The following NUDT5 variants were observed in gnomAD, a reference collection of about 807,000 sequenced individuals.
NUDT5 encodes the protein ADP-sugar pyrophosphatase.
In NUDT5, 21 loss-of-function variants were observed where a neutral mutation model predicts 34.1. The ratio of observed to expected loss-of-function variants is 0.62; its 90% CI spans 0.44 to 0.89. NUDT5 has a LOEUF of 0.89. Among genes scored for constraint, NUDT5 ranks in the 40% least tolerant of loss-of-function variants. NUDT5 has a pLI of 0.00. For synonymous variants in NUDT5, 85 were observed against 97.6 expected (o/e 0.87, Z 0.76); for missense variants, 249 against 274.8 (o/e 0.91, Z 0.66).
At chr10:12,178,586 G>A (rs1378583984) in intron 4 of NUDT5, among the ~76,000 whole-genome samples, 3 of 152,190 alleles carry the variant, frequency 2.0e-5, no homozygotes, top group Non-Finnish European at 4.4e-5. Flanking sequence ...CTCGACCAGA[G>A]TGATTCTCAG....
chr10:12,178,112 GT>G (rs1170063306), intron 4 of NUDT5, among the ~76,000 whole-genome samples: 2 of 148,812 alleles, frequency 1.3e-5, no homozygotes, highest in African/African-American at 2.5e-5. Flanking sequence ...CAAAAAGGCT[GT>G]TTAATTGTCA....
At chr10:12,184,402 A>G in intron 3 of NUDT5, 1 of 1,110,258 alleles carries the variant, frequency 9.0e-7, no homozygotes, top group Non-Finnish European at 1.3e-6. Context: ...GTCAAAGGGT[A>G]CAGTATCTTT....
At chr10:12,184,294 C>G (rs980380374) in intron 3 of NUDT5, among the ~76,000 whole-genome samples, 1 of 152,208 alleles carries the variant, frequency 6.6e-6, no homozygotes, top group Non-Finnish European at 1.5e-5. Context: ...CGATGCCCCC[C>G]GCCCCGGCCC....
rs1835041584 is a variant in NUDT5, at chr10:12,181,606, T to C, written c.132-2474A>G. 6.6e-6 allele frequency among the ~76,000 whole-genome samples: 1 copy of C among 152,066 alleles called. No individual in the cohort carries two copies. The highest frequency in any genetic ancestry group is 2.1e-4 in the South Asian group (1 of 4,818). On this transcript the variant is annotated intron_variant, in intron 3 of 9. Transcript: ENST00000491614. The surrounding 1 kb of genome is among the most constrained non-coding windows in gnomAD (Gnocchi z 5.0). The stretch of plus-strand genomic sequence containing the variant: ...GTAGGGTGTTGTGGGGAACTGCTGC[T>C]GGGCATCCGGTCTGCACACATGCCA...
intron 4 of NUDT5, among the ~76,000 whole-genome samples, chr10:12,178,462 C>A (rs1435603214): frequency 6.6e-6 from 1 of 152,206 alleles, no homozygotes; most frequent in Non-Finnish European, 1.5e-5. Context: ...CCTGGCTCCC[C>A]ACAGCTTCCT....
Position 12,184,981 on chromosome 10 carries a change from T to C in NUDT5, c.64-25A>G, listed in dbSNP as rs1302642200. 8.4e-6 allele frequency: 11 copies of C among 1,314,018 alleles called. No homozygotes were observed. In the Admixed American group the frequency reaches 1.5e-4, roughly 18 times the overall value. The allele number at this position is 1,314,018 out of a possible 1,614,324, so 81.4% of individuals were successfully genotyped here. A position where few individuals can be genotyped will look rare whatever the true frequency, so the allele number is the denominator to read the frequency against. On this transcript the variant is annotated intron_variant, in intron 2 of 9. Transcript: ENST00000491614. ...ACTAAAAGGATATCAGATAATAAGT[T>C]GGGAAACTTTCAAACCAAGTTGTTT...
At chr10:12,177,079 G>A (rs73581311) in intron 5 of NUDT5, among the ~76,000 whole-genome samples, 6,434 of 149,398 alleles carry the variant, frequency 0.043, 325 homozygotes, top group African/African-American at 0.12. Context: ...CCGAGATCAC[G>A]CCACCGCACT....
chr10:12,169,898 T>C lies in NUDT5; in HGVS notation c.550+819A>G, dbSNP rs1434343324. On this transcript the variant is annotated intron_variant, in intron 9 of 9. Transcript: ENST00000491614. This position sits in a 1 kb window ranked among gnomAD's most constrained non-coding sequence, Gnocchi z 4.8. Reference sequence around the variant, plus strand: ...ATTTGAAGTAATCACTTAAAAACAGTAGAAAAATCAGTTATCAATTACCTA... The same window carrying C: ...ATTTGAAGTAATCACTTAAAAACAGCAGAAAAATCAGTTATCAATTACCTA... The C allele has an allele frequency of 2.1e-6, 1 of 478,018 alleles. No homozygotes were observed. Among genetic ancestry groups the C allele is most frequent in the Non-Finnish European group, 3.7e-6 (1 of 269,664 alleles). 29.6% of individuals were successfully genotyped at this position (478,018 alleles called of 1,614,324 possible).
Position 12,166,780 on chromosome 10 carries a change from G to A in NUDT5, c.*922C>T, listed in dbSNP as rs778323120. 15 of 488,856 alleles carry A rather than the reference G, an allele frequency of 3.1e-5. No individual in the cohort carries two copies. The Middle Eastern group carries it at 1.3e-3, about 42-fold the overall frequency. 30.3% of individuals were successfully genotyped at this position (488,856 alleles called of 1,614,324 possible). On this transcript the variant is annotated 3_prime_UTR_variant, in exon 10 of 10. Coordinates refer to ENST00000491614, the MANE Select transcript of NUDT5 (RefSeq NM_014142.4). ...CACAAAAAGAGCTAAACTCACTCAA[G>A]AAGCTAAGAAAATGGCCCAGGAACA...
At chr10:12,176,939 C>A (rs868178619) in intron 5 of NUDT5, among the ~76,000 whole-genome samples, 3 of 151,990 alleles carry the variant, frequency 2.0e-5, no homozygotes, top group Admixed American at 2.0e-4. Flanking sequence ...CTGGGCAACA[C>A]AGTGAAACCC....
chr10:12,176,375 G>A, intron 5 of NUDT5, among the ~76,000 whole-genome samples: 1 of 151,982 alleles, frequency 6.6e-6, no homozygotes, highest in Non-Finnish European at 1.5e-5. Flanking sequence ...AGGCCAAGGT[G>A]GGTGGATCAC....
At position 12,169,439 on chromosome 10, in the gene NUDT5, G is replaced by C; in HGVS notation, c.550+1278C>G. 3 of 751,496 alleles carry C rather than the reference G, an allele frequency of 4.0e-6. No individual in the cohort carries two copies. Among genetic ancestry groups the C allele is most frequent in the South Asian group, 2.0e-5 (1 of 50,708 alleles). 46.6% of individuals were successfully genotyped at this position (751,496 alleles called of 1,614,324 possible). A position where few individuals can be genotyped will look rare whatever the true frequency, so the allele number is the denominator to read the frequency against. On this transcript the variant is annotated intron_variant, in intron 9 of 9. Coordinates refer to ENST00000491614, the MANE Select transcript of NUDT5 (RefSeq NM_014142.4). This position sits in a 1 kb window ranked among gnomAD's most constrained non-coding sequence, Gnocchi z 4.8. ...TGTTTTATGAAAAAAGCCGAGAGAG[G>C]CTACAGAACCTGTTTGATGTGATAG...
Position 12,167,555 on chromosome 10 carries a change from A to G in NUDT5, c.*147T>C. On this transcript the variant is annotated 3_prime_UTR_variant, in exon 10 of 10. Transcript: ENST00000491614. Reference sequence around the variant, plus strand: ...AGGTCACAACCTACCTGTAATTACAATTCCATACCACCACCACATCTGTTC... The same window carrying G: ...AGGTCACAACCTACCTGTAATTACAGTTCCATACCACCACCACATCTGTTC... 1 of 698,364 alleles carries G rather than the reference A, an allele frequency of 1.4e-6. No individual in the cohort carries two copies. Among genetic ancestry groups the G allele is most frequent in the Non-Finnish European group, 2.3e-6 (1 of 427,244 alleles). The allele number at this position is 698,364 out of a possible 1,614,324, so 43.3% of individuals were successfully genotyped here. A position where few individuals can be genotyped will look rare whatever the true frequency, so the allele number is the denominator to read the frequency against.
Position 12,173,595 on chromosome 10 carries a change from G to A in NUDT5, c.385+123C>T, listed in dbSNP as rs1054731869. 1 of 783,008 alleles carries A rather than the reference G, an allele frequency of 1.3e-6. No individual in the cohort carries two copies. 48.5% of individuals were successfully genotyped at this position (783,008 alleles called of 1,614,324 possible). On this transcript the variant is annotated intron_variant, in intron 6 of 9. Transcript: ENST00000491614. This position sits in a 1 kb window ranked among gnomAD's most constrained non-coding sequence, Gnocchi z 4.7. ...GAGGGGAGATTCCCTTACACTTGGTGACCAGTCCTAATCTGTGATTTCTTT... is the reference window on the plus strand; with the variant it reads ...GAGGGGAGATTCCCTTACACTTGGTAACCAGTCCTAATCTGTGATTTCTTT...
intron 3 of NUDT5, among the ~76,000 whole-genome samples, chr10:12,180,185 T>A (rs1469095856): frequency 1.3e-5 from 2 of 152,190 alleles, no homozygotes; most frequent in Non-Finnish European, 2.9e-5. Context: ...ATTTGCTTTT[T>A]AAAAAACAAA....
intron 1 of NUDT5, among the ~76,000 whole-genome samples, chr10:12,193,657 T>G (rs149052944): frequency 1.6e-4 from 25 of 152,350 alleles, no homozygotes; most frequent in African/African-American, 5.5e-4. Flanking sequence ...ATTTATTTGA[T>G]GCTGGTTAAA....
intron 1 of NUDT5, among the ~76,000 whole-genome samples, chr10:12,188,280 C>T (rs1374514604): frequency 6.6e-6 from 1 of 152,206 alleles, no homozygotes; most frequent in Non-Finnish European, 1.5e-5. Context: ...AATTTGTCCC[C>T]AAGACAGCAA....
intron 1 of NUDT5, among the ~76,000 whole-genome samples, chr10:12,193,619 AT>A (rs1835273833): frequency 6.6e-6 from 1 of 152,218 alleles, no homozygotes; most frequent in Admixed American, 6.5e-5. Flanking sequence ...CATTCAAAGT[AT>A]TTGAGCATCT....
intron 1 of NUDT5, among the ~76,000 whole-genome samples, chr10:12,195,351 T>C (rs1053790468): frequency 2.0e-5 from 3 of 152,156 alleles, no homozygotes; most frequent in Non-Finnish European, 4.4e-5. Context: ...GGTTGACAAC[T>C]TTTGCGAGGC....
Sources: allele counts gnomAD v4.1 joint callset (sites outside exome capture counted in the v4.1 genomes callset), GRCh38; gene constraint gnomAD v4.1.1; non-coding constraint Gnocchi (gnomAD v3.1); transcripts MANE v1.5; gene names NCBI Gene and HGNC (gene_info 2026-07-23, HGNC 2026-07-21).